Variants in JAK2 observed in about 807,000 individuals in gnomAD.
JAK2 encodes the protein tyrosine-protein kinase JAK2.
Under a neutral mutation model 139.3 loss-of-function variants are expected in JAK2, and 86 were observed. The observed-to-expected ratio is 0.62, with a 90% confidence interval of 0.52 to 0.74. The LOEUF (loss-of-function observed/expected upper bound fraction) is 0.74, where lower values mean the gene tolerates loss of function less well. Among genes scored for constraint, JAK2 ranks in the 30% least tolerant of loss-of-function variants. JAK2 has a pLI of 0.00. For missense variants in JAK2, 1,421 were observed against 1,360.3 expected (o/e 1.04, Z -0.70); for synonymous variants, 490 against 437.7 (o/e 1.12, Z -1.49).
intron 22 of JAK2, chr9:5,110,933 T>C (rs1822441414): frequency 1.7e-6 from 1 of 579,414 alleles, no homozygotes; most frequent in Non-Finnish European, 3.3e-6. Context: ...CCGCAGAGGA[T>C]GGCATCCGTG....
chr9:5,022,618 T>C (rs1822502927), intron 3 of JAK2, among the ~76,000 whole-genome samples: 1 of 152,244 alleles, frequency 6.6e-6, no homozygotes, highest in South Asian at 2.1e-4. Context: ...ATCATTTTCT[T>C]CTAGTTAGCT....
intron 21 of JAK2, 73 bp downstream of exon 21, chr9:5,090,643 C>A: frequency 6.6e-7 from 1 of 1,508,368 alleles, no homozygotes. Flanking sequence ...ATCATCTAGA[C>A]GTTTTCATAG....
chr9:5,054,595 C>G lies in JAK2; in HGVS notation c.647C>G (p.Ala216Gly). 1 of 1,598,640 alleles carries G rather than the reference C, an allele frequency of 6.3e-7. No homozygotes were observed. Among genetic ancestry groups the G allele is most frequent in the South Asian group, 1.1e-5 (1 of 88,836 alleles). ...ACATTCTTACCAAAATGTATTCGAG[C>G]AAAGATCCAAGACTATCATATTTTG... is the stretch of plus-strand genomic sequence containing the variant. ...YKTFLPKCIR[A>G]KIQDYHILTR... The change falls in exon 7 of 25, where the codon GCA (alanine) becomes GGA (glycine). Residue 216 changes from alanine to glycine, a missense_variant. Physicochemically the swap from Ala to Gly is moderately conservative, Grantham distance 60. Transcript: ENST00000381652. The surrounding 1 kb of genome is among the most constrained non-coding windows in gnomAD (Gnocchi z 4.9).
chr9:5,012,524 T>G (rs1821768701), intron 2 of JAK2, among the ~76,000 whole-genome samples: 1 of 152,206 alleles, frequency 6.6e-6, no homozygotes, highest in African/African-American at 2.4e-5. Context: ...GGAATGCACA[T>G]GATTTTTCTG....
chr9:5,102,710 C>T (rs1586798893), intron 22 of JAK2, among the ~76,000 whole-genome samples: 1 of 152,328 alleles, frequency 6.6e-6, no homozygotes, highest in East Asian at 1.9e-4. Flanking sequence ...AGAAACTCTA[C>T]AAGCCAGAAG....
chr9:5,116,965 T>C (rs1823240859), intron 22 of JAK2, among the ~76,000 whole-genome samples: 1 of 152,238 alleles, frequency 6.6e-6, no homozygotes, highest in Admixed American at 6.5e-5. Flanking sequence ...AGATGACATT[T>C]CAACGATTGG....
chr9:5,057,308 A>C (rs1480100533), intron 8 of JAK2, among the ~76,000 whole-genome samples: 1 of 151,866 alleles, frequency 6.6e-6, no homozygotes, highest in East Asian at 1.9e-4. Flanking sequence ...GCATTTTCCC[A>C]GTGTATTATG....
At chr9:5,087,666 T>C (rs867500215) in intron 19 of JAK2, among the ~76,000 whole-genome samples, 13 of 152,240 alleles carry the variant, frequency 8.5e-5, no homozygotes, top group African/African-American at 2.7e-4. Flanking sequence ...TGATCATTGT[T>C]GGCAGGGATG....
intron 2 of JAK2, among the ~76,000 whole-genome samples, chr9:5,015,814 A>T (rs928024360): frequency 6.6e-6 from 1 of 152,182 alleles, no homozygotes; most frequent in African/African-American, 2.4e-5. Flanking sequence ...ATTCTGGGAT[A>T]TGAGTGTATG....
At chr9:5,080,426 T>G in intron 17 of JAK2, 46 bp downstream of exon 17, 4 of 1,554,062 alleles carry the variant, frequency 2.6e-6, no homozygotes, top group Non-Finnish European at 3.5e-6. Context: ...CTCTGAACTT[T>G]CATATTTCTT....
intron 8 of JAK2, among the ~76,000 whole-genome samples, chr9:5,058,344 G>T (rs1191673320): frequency 6.6e-6 from 1 of 152,158 alleles, no homozygotes; most frequent in Admixed American, 6.5e-5. Flanking sequence ...TGAAGGGCAA[G>T]GAAGCCATGT....
At chr9:5,067,918 C>G (rs1818678682) in intron 10 of JAK2, among the ~76,000 whole-genome samples, 1 of 151,962 alleles carries the variant, frequency 6.6e-6, no homozygotes, top group Non-Finnish European at 1.5e-5. Context: ...CTTTAGGAGG[C>G]CAAGGCGGGT....
At chr9:5,075,131 A>G (rs1235303914) in intron 14 of JAK2, among the ~76,000 whole-genome samples, 1 of 152,194 alleles carries the variant, frequency 6.6e-6, no homozygotes, top group South Asian at 2.1e-4. Context: ...GCAGAAGAAA[A>G]GTTGGAAGCT....
At chr9:5,058,405 A>C (rs1245483487) in intron 8 of JAK2, among the ~76,000 whole-genome samples, 1 of 152,136 alleles carries the variant, frequency 6.6e-6, no homozygotes, top group East Asian at 1.9e-4. Context: ...TGCCACTTTT[A>C]AACCATCAGA....
intron 4 of JAK2, among the ~76,000 whole-genome samples, chr9:5,038,269 G>T (rs1190531637): frequency 6.6e-6 from 1 of 152,050 alleles, no homozygotes. Context: ...AGTTTGAATA[G>T]GTCTATGACA....
rs1428345071 is a variant in JAK2 at position 5,080,518 on chromosome 9, G to T, written c.2284-15G>T. Reference sequence around the variant, plus strand: ...TTACACAATTTATTCTCAGTTTGTGGTTCTTTAATTATAGAAGCTACAATT... The same window carrying T: ...TTACACAATTTATTCTCAGTTTGTGTTTCTTTAATTATAGAAGCTACAATT... On this transcript the variant is annotated splice_polypyrimidine_tract_variant and intron_variant, in intron 17 of 24. Coordinates refer to ENST00000381652, the MANE Select transcript of JAK2 (RefSeq NM_004972.4). 6.4e-7 allele frequency: 1 copy of T among 1,571,998 alleles called. No individual in the cohort carries two copies. The highest frequency in any genetic ancestry group is 8.6e-7 in the Non-Finnish European group (1 of 1,165,392).
chr9:5,007,733 T>A (rs578008594), intron 2 of JAK2, among the ~76,000 whole-genome samples: 129 of 151,944 alleles, frequency 8.5e-4, no homozygotes, highest in African/African-American at 2.9e-3. Context: ...GTCTTTTTTT[T>A]TTTTGGAGTG....
At chr9:4,996,674 T>TA (rs60446344) in intron 2 of JAK2, among the ~76,000 whole-genome samples, 8 of 151,152 alleles carry the variant, frequency 5.3e-5, no homozygotes, top group East Asian at 1.9e-4. Context: ...CCTGTCTTGT[T>TA]AAAAAAAAAT....
At chr9:5,102,048 C>A (rs937436823) in intron 22 of JAK2, among the ~76,000 whole-genome samples, 1 of 152,130 alleles carries the variant, frequency 6.6e-6, no homozygotes, top group Admixed American at 6.5e-5. Context: ...CTTTGACGAG[C>A]TGACAGAAGT....
Sources: allele counts gnomAD v4.1 joint callset (sites outside exome capture counted in the v4.1 genomes callset), GRCh38; gene constraint gnomAD v4.1.1; non-coding constraint Gnocchi (gnomAD v3.1); transcripts MANE v1.5; gene names NCBI Gene and HGNC (gene_info 2026-07-23, HGNC 2026-07-21).